Variants in VPS33A observed in about 807,000 individuals in gnomAD.
VPS33A encodes vacuolar protein sorting-associated protein 33A.
Under a neutral mutation model 71.8 loss-of-function variants are expected in VPS33A, and 32 were observed. The ratio of observed to expected loss-of-function variants is 0.45; its 90% CI spans 0.34 to 0.60. VPS33A has a LOEUF of 0.60. VPS33A is among the 20% of genes least tolerant of loss of function. VPS33A has a pLI of 0.02. For synonymous variants in VPS33A, 311 were observed against 292.7 expected, an observed-to-expected ratio of 1.06 and a Z score of -0.64; for missense variants, 625 against 748.5, an observed-to-expected ratio of 0.84 and a Z score of 1.92.
At chr12:122,259,187 G>GTA (rs1555250059) in intron 4 of VPS33A, among the ~76,000 whole-genome samples, 1 of 144,646 alleles carries the variant, frequency 6.9e-6, no homozygotes, top group Non-Finnish European at 1.5e-5. Context: ...GTATGTATGT[G>GTA]TGTATGTATG....
intron 3 of VPS33A, among the ~76,000 whole-genome samples, chr12:122,262,576 C>A (rs926144546): frequency 1.3e-5 from 2 of 148,660 alleles, no homozygotes; most frequent in Non-Finnish European, 3.0e-5. Context: ...CCTCTATAGA[C>A]TGGATGCTAT....
At chr12:122,263,525 A>G (rs962766684) in intron 3 of VPS33A, 47 bp downstream of exon 3, 6 of 1,547,308 alleles carry the variant, frequency 3.9e-6, no homozygotes, top group Middle Eastern at 1.7e-4. Context: ...AATTAAAAGC[A>G]TTATAAGAAC....
rs1247451944 is a variant in VPS33A, at chr12:122,261,380, C to T, written c.364G>A (p.Glu122Lys). ...LFVPRRSLLC[E>K]QRLKDLGVLG... is the part of the protein sequence containing the mutation. ...ACACCCAGATCCTTCAACCGCTGTT[C>T]GCACAACAGGCTACGGCGTGGCACA... The change falls in exon 4 of 13, where the codon GAA (glutamate) becomes AAA (lysine). Residue 122 changes from glutamate (E) to lysine (K), a missense_variant. Transcript: ENST00000267199. 3 of 1,613,958 alleles carry T rather than the reference C, an allele frequency of 1.9e-6. No homozygotes were observed. The highest frequency in any genetic ancestry group is 2.2e-5 in the East Asian group (1 of 44,864).
chr12:122,235,454 G>A (rs1954617688), intron 11 of VPS33A, among the ~76,000 whole-genome samples: 1 of 151,808 alleles, frequency 6.6e-6, no homozygotes, highest in South Asian at 2.1e-4. Context: ...TAGTAGAGAT[G>A]GGGTTTCCCA....
At chr12:122,238,771 A>ACACG (rs1491329805) in intron 9 of VPS33A, 47 bp from the exon 10 acceptor site, 1 of 190,930 alleles carries the variant, frequency 5.2e-6, no homozygotes, top group African/African-American at 7.0e-5. Context: ...ACATATACAT[A>ACACG]CACACACACA....
chr12:122,237,880 G>A (rs73421727), intron 10 of VPS33A, among the ~76,000 whole-genome samples: 11,418 of 151,616 alleles, frequency 0.075, 1,256 homozygotes, highest in African/African-American at 0.24. Context: ...GGACTCCTGG[G>A]CTCAAGCAAT....
At chr12:122,245,272 A>T (rs1029298158) in intron 6 of VPS33A, among the ~76,000 whole-genome samples, 2 of 151,914 alleles carry the variant, frequency 1.3e-5, no homozygotes, top group African/African-American at 4.8e-5. Context: ...TTTTTTTTTT[A>T]AATAAAACTT....
Position 122,266,445 on chromosome 12 carries a change from A to T in VPS33A, c.-37T>A. The T allele has an allele frequency of 1.3e-6, 2 of 1,591,234 alleles. No individual in the cohort carries two copies. Among genetic ancestry groups the T allele is most frequent in the Non-Finnish European group, 1.7e-6 (2 of 1,163,436 alleles). The stretch of plus-strand genomic sequence containing the variant: ...ACCCCCTGCCCCACAACGCCAACCG[A>T]GTCCGCCGGTTCCTACGGGAGGACC... On this transcript the variant is annotated 5_prime_UTR_variant, in exon 1 of 13. Coordinates refer to ENST00000267199, the MANE Select transcript of VPS33A (RefSeq NM_022916.6).
intron 9 of VPS33A, among the ~76,000 whole-genome samples, chr12:122,238,964 A>G (rs1257253053): frequency 1.3e-5 from 2 of 148,958 alleles, no homozygotes; most frequent in East Asian, 4.0e-4. Context: ...GCCACCACAC[A>G]CACACACACA....
intron 4 of VPS33A, among the ~76,000 whole-genome samples, chr12:122,259,884 T>TA (rs201952626): frequency 5.6e-4 from 85 of 150,872 alleles, no homozygotes; most frequent in Admixed American, 2.1e-3. Context: ...AAAAAGAAAT[T>TA]AAAAAAAAAT....
rs151183103 is a variant in VPS33A at position 122,261,859 on chromosome 12, G to A, written c.297-412C>T. Among the ~76,000 whole-genome samples the A allele has an allele frequency of 3.2e-3, 491 of 152,176 alleles. 3 individuals carry two copies. The highest frequency in any genetic ancestry group is 0.011 in the African/African-American group (473 of 41,528). ...CTACTAAAAATACAAAAAATTAGCC[G>A]GGCATGGTGGCAGGCACCTGTAATC... On this transcript the variant is annotated intron_variant, in intron 3 of 12. Coordinates refer to ENST00000267199, the MANE Select transcript of VPS33A (RefSeq NM_022916.6).
rs539252830 is a variant in VPS33A at position 122,233,292 on chromosome 12, T to C, written c.1441-324A>G. Among the ~76,000 whole-genome samples, 65 of 151,990 alleles carry C rather than the reference T, an allele frequency of 4.3e-4. 1 individual carries two copies. In the South Asian group the frequency reaches 0.013, roughly 30 times the overall value. Reference sequence around the variant, plus strand: ...CCAGGCTGGAGTGCAGTGGCATAATTTCAGCTCACTGCAACCTCCGCCTCC... The same window carrying C: ...CCAGGCTGGAGTGCAGTGGCATAATCTCAGCTCACTGCAACCTCCGCCTCC... On this transcript the variant is annotated intron_variant, in intron 11 of 12. Transcript: ENST00000267199.
At chr12:122,236,037 A>G (rs772361350) in intron 10 of VPS33A, 114 bp from the exon 11 acceptor site, 30 of 1,316,348 alleles carry the variant, frequency 2.3e-5, no homozygotes, top group Non-Finnish European at 3.0e-5. Flanking sequence ...ACATGTTACC[A>G]AAGTCCAGCA....
In VPS33A at chr12:122,232,409, C is replaced by T. The variant is rs759599758; in HGVS notation, c.1628G>A (p.Arg543Gln). 6.8e-6 allele frequency: 11 copies of T among 1,611,828 alleles called. No individual in the cohort carries two copies. Among genetic ancestry groups the T allele is most frequent in the Non-Finnish European group, 1.7e-6 (2 of 1,179,440 alleles). ...LQKKRQPGEN[R>Q]VTLIFFLGGV... is the part of the protein sequence containing the mutation. ...CCCAAGGAAAAATATCAGAGTCACT[C>T]GGTTTTCTCCCGGTTGACCTAAAAT... The change falls in exon 13 of 13, where the codon CGA (arginine) becomes CAA (glutamine). Residue 543 changes from arginine to glutamine, a missense_variant. Arg to Gln is a conservative substitution (Grantham distance 43). Transcript: ENST00000267199.
At chr12:122,257,368 A>C (rs1954932237) in intron 4 of VPS33A, among the ~76,000 whole-genome samples, 1 of 143,760 alleles carries the variant, frequency 7.0e-6, no homozygotes, top group East Asian at 2.2e-4. Flanking sequence ...CGGAGGTTGC[A>C]GTGAGTCGAG....
chr12:122,263,754 T>C (rs1955030756), intron 2 of VPS33A, 55 bp from the exon 3 acceptor site: 2 of 1,505,446 alleles, frequency 1.3e-6, no homozygotes, highest in South Asian at 2.7e-5. Context: ...TACCTATAAT[T>C]TTCAGACTCA....
chr12:122,239,528 A>C (rs990036066), intron 9 of VPS33A, among the ~76,000 whole-genome samples: 2 of 152,204 alleles, frequency 1.3e-5, no homozygotes, highest in South Asian at 2.1e-4. Context: ...AAGGTCGGAG[A>C]TCGAGACCAT....
Position 122,242,524 on chromosome 12 carries a change from G to A in VPS33A, c.970-16C>T, listed in dbSNP as rs1954729220. The stretch of plus-strand genomic sequence containing the variant: ...TGTGTCTTTCCTGAAATAAACAAGA[G>A]AGCAGTGCCTCAAGCAGGGAAGATA... On this transcript the variant is annotated splice_polypyrimidine_tract_variant and intron_variant, in intron 7 of 12. Coordinates refer to ENST00000267199, the MANE Select transcript of VPS33A (RefSeq NM_022916.6). The A allele has an allele frequency of 5.0e-6, 8 of 1,597,234 alleles. No individual in the cohort carries two copies. The highest frequency in any genetic ancestry group is 6.9e-6 in the Non-Finnish European group (8 of 1,167,258).
chr12:122,240,701 G>A (rs1271175482), intron 8 of VPS33A, among the ~76,000 whole-genome samples: 1 of 152,192 alleles, frequency 6.6e-6, no homozygotes, highest in Non-Finnish European at 1.5e-5. Flanking sequence ...ACAGCCCTGT[G>A]TTGTAACAAA....
Sources: allele counts gnomAD v4.1 joint callset (sites outside exome capture counted in the v4.1 genomes callset), GRCh38; gene constraint gnomAD v4.1.1; transcripts MANE v1.5; gene names NCBI Gene and HGNC (gene_info 2026-07-23, HGNC 2026-07-21).